AFF2: variants seen among roughly 807,000 people sequenced by gnomAD.
AFF2 encodes ALF transcription elongation factor 2, also known as AF4/FMR2 family member 2.
A neutral mutation model predicts 76.9 loss-of-function variants in AFF2; 14 were observed. The observed-to-expected ratio is 0.18, with a 90% CI of 0.12 to 0.28. AFF2 has a LOEUF of 0.28. Among genes scored for constraint, AFF2 ranks in the 10% least tolerant of loss-of-function variants. The pLI is 1.00. For missense variants in AFF2, 868 were observed against 1,001.1 expected, an observed-to-expected ratio of 0.87 and a Z score of 1.79; for synonymous variants, 398 against 366.7, an observed-to-expected ratio of 1.09 and a Z score of -0.98.
intron 1 of AFF2, among the ~76,000 whole-genome samples, chrX:148,610,092 C>T (rs1166402421): frequency 3.6e-5 from 4 of 111,537 alleles, no homozygotes; most frequent in Non-Finnish European, 7.5e-5. Context: ...CTCATAGGAT[C>T]GTTTTAAGAA....
intron 19 of AFF2, among the ~76,000 whole-genome samples, chrX:148,986,710 A>C (rs2072476354): frequency 8.8e-6 from 1 of 113,237 alleles, no homozygotes; most frequent in African/African-American, 3.2e-5. Context: ...GAGCAAACTG[A>C]CATTGTGGTT....
At chrX:148,834,505 ATGTGTG>A (rs61709112) in intron 4 of AFF2, among the ~76,000 whole-genome samples, 56,393 of 91,136 alleles carry the variant, frequency 0.62, 16,322 homozygotes, top group South Asian at 0.81. Flanking sequence ...CCAGTCTCAG[ATGTGTG>A]TGTGTGTGTG....
chrX:148,504,389 C>G (rs1364318054), intron 1 of AFF2, among the ~76,000 whole-genome samples: 2 of 112,077 alleles, frequency 1.8e-5, no homozygotes, highest in Non-Finnish European at 3.8e-5. Context: ...ATAGCAAAAT[C>G]AGAACGTTCA....
chrX:148,686,101 T>C (rs370642287), intron 3 of AFF2, among the ~76,000 whole-genome samples: 7 of 111,189 alleles, frequency 6.3e-5, no homozygotes, highest in African/African-American at 2.3e-4. Flanking sequence ...ATATTAACAG[T>C]GGAAATTTTG....
intron 4 of AFF2, 80 bp from the exon 5 acceptor site, chrX:148,837,567 G>C: frequency 1.8e-6 from 1 of 570,853 alleles, no homozygotes; most frequent in Non-Finnish European, 3.0e-6. Context: ...ATTTATAAAG[G>C]ACCTACACTG....
At chrX:148,704,393 T>C (rs1289541213) in intron 3 of AFF2, among the ~76,000 whole-genome samples, 1 of 69,066 alleles carries the variant, frequency 1.4e-5, no homozygotes, top group African/African-American at 5.4e-5. Context: ...TATATATGTG[T>C]AGATATATAT....
chrX:148,533,959 A>G (rs2052757346), intron 1 of AFF2, among the ~76,000 whole-genome samples: 1 of 111,787 alleles, frequency 8.9e-6, no homozygotes, highest in Admixed American at 9.6e-5. Flanking sequence ...CAGCTCACTA[A>G]GTCCTCTCGT....
intron 1 of AFF2, 107 bp downstream of exon 1, chrX:148,501,251 G>T: frequency 9.8e-7 from 1 of 1,016,864 alleles, no homozygotes; most frequent in Non-Finnish European, 1.4e-6. Context: ...GGGCGCCCCG[G>T]ACTCCCTCCC....
At chrX:148,588,363 G>A (rs1182751277) in intron 1 of AFF2, among the ~76,000 whole-genome samples, 1 of 112,755 alleles carries the variant, frequency 8.9e-6, no homozygotes, top group African/African-American at 3.2e-5. Context: ...AGACAGTGAA[G>A]GTTTCACAGC....
chrX:148,910,226 C>T (rs1343497562), intron 9 of AFF2, among the ~76,000 whole-genome samples: 14 of 112,452 alleles, frequency 1.2e-4, no homozygotes, highest in African/African-American at 4.5e-4. Flanking sequence ...GGACCTGATT[C>T]ATCATAGATA....
At chrX:148,981,621 A>C (rs2072394992) in intron 19 of AFF2, among the ~76,000 whole-genome samples, 1 of 111,355 alleles carries the variant, frequency 9.0e-6, no homozygotes, top group African/African-American at 3.3e-5. Flanking sequence ...CTGATTTCCA[A>C]ATACCCCTTA....
intron 9 of AFF2, among the ~76,000 whole-genome samples, chrX:148,947,184 A>G (rs1345175658): frequency 8.9e-6 from 1 of 112,390 alleles, no homozygotes; most frequent in Non-Finnish European, 1.9e-5. Context: ...TAGTGTATAC[A>G]TGTTAGGCAA....
rs1174122694 is a variant in AFF2, at chrX:148,978,515, A to G, written c.3570+60A>G. The G allele has an allele frequency of 7.3e-6, 6 of 822,802 alleles. No individual in the cohort carries two copies. In the African/African-American group the frequency reaches 1.2e-4, roughly 17 times the overall value. 67.8% of individuals were successfully genotyped at this position (822,802 alleles called of 1,213,427 possible). On this transcript the variant is annotated intron_variant, in intron 18 of 20. Coordinates refer to ENST00000370460, the MANE Select transcript of AFF2 (RefSeq NM_002025.4). ...ATGATAAAATCACTAATAAGACACG[A>G]CATGCAGGTTATCGAATGTCAAATG...
intron 7 of AFF2, among the ~76,000 whole-genome samples, chrX:148,854,918 A>C (rs1557275765): frequency 9.0e-6 from 1 of 110,942 alleles, no homozygotes; most frequent in Non-Finnish European, 1.9e-5. Context: ...CGACATTCTT[A>C]TAAAAGGATT....
intron 20 of AFF2, among the ~76,000 whole-genome samples, chrX:148,990,044 CTG>C (rs1362962474): frequency 1.8e-5 from 2 of 112,025 alleles, no homozygotes; most frequent in Non-Finnish European, 3.8e-5. Flanking sequence ...TTCCTTAATA[CTG>C]TATTACATAG....
At chrX:148,549,325 C>A (rs782059242) in intron 1 of AFF2, among the ~76,000 whole-genome samples, 8 of 112,399 alleles carry the variant, frequency 7.1e-5, no homozygotes, top group Non-Finnish European at 1.3e-4. Flanking sequence ...AGACAAGACA[C>A]TAGGAAATTT....
intron 1 of AFF2, among the ~76,000 whole-genome samples, chrX:148,588,086 C>G (rs1220365428): frequency 8.9e-6 from 1 of 112,568 alleles, no homozygotes; most frequent in African/African-American, 3.2e-5. Context: ...CAGAAGGAAA[C>G]TAGCCTGCTC....
At chrX:148,918,799 A>T (rs1325077610) in intron 9 of AFF2, among the ~76,000 whole-genome samples, 2 of 112,016 alleles carry the variant, frequency 1.8e-5, no homozygotes, top group African/African-American at 6.5e-5. Flanking sequence ...TCAAGATGGG[A>T]TACTTGGAGA....
At chrX:148,822,472 A>G (rs1306351012) in intron 4 of AFF2, 1 of 111,424 alleles carries the variant, frequency 9.0e-6, no homozygotes, top group Non-Finnish European at 1.9e-5. Flanking sequence ...ATTATTTAAT[A>G]CCATTGTTAT....
Sources: gnomAD v4.1 joint callset for allele counts (sites outside exome capture counted in the v4.1 genomes callset) on GRCh38, gnomAD v4.1.1 for gene constraint, MANE v1.5 for transcripts, NCBI Gene and HGNC (gene_info 2026-07-23, HGNC 2026-07-21) for gene names.